Variants in BABAM2 observed in about 807,000 individuals in gnomAD.
The protein encoded by BABAM2 is BRISC and BRCA1-A complex member 2.
Under a neutral mutation model 54.7 loss-of-function variants are expected in BABAM2, and 31 were observed. The ratio of observed to expected loss-of-function variants is 0.57; its 90% confidence interval spans 0.43 to 0.77. The LOEUF is 0.77. Among genes scored for constraint, BABAM2 ranks in the 30% least tolerant of loss-of-function variants. The probability of loss-of-function intolerance (pLI) is 0.00; values close to 1 mark genes in which losing one functional copy is unlikely to be tolerated. For missense variants in BABAM2, 364 were observed against 455.8 expected (o/e 0.80, Z 1.83); for synonymous variants, 167 against 162.9 (o/e 1.03, Z -0.19).
At chr2:28,318,006 T>C (rs1218292483) in intron 11 of BABAM2, among the ~76,000 whole-genome samples, 1 of 152,242 alleles carries the variant, frequency 6.6e-6, no homozygotes, top group Non-Finnish European at 1.5e-5. Context: ...TGTGGATAGA[T>C]TTTAACTCCT....
chr2:28,100,216 G>A (rs1048346950), intron 6 of BABAM2, among the ~76,000 whole-genome samples: 2 of 151,968 alleles, frequency 1.3e-5, no homozygotes, highest in African/African-American at 4.8e-5. Context: ...TTGGGAGGCT[G>A]GGGGCGGGTG....
At chr2:28,324,353 T>C (rs1482461883) in intron 11 of BABAM2, among the ~76,000 whole-genome samples, 1 of 152,120 alleles carries the variant, frequency 6.6e-6, no homozygotes, top group Non-Finnish European at 1.5e-5. Context: ...AACCCAAGGC[T>C]CCCGACTCAG....
chr2:27,908,473 A>G (rs987140901), intron 2 of BABAM2, among the ~76,000 whole-genome samples: 4 of 152,008 alleles, frequency 2.6e-5, no homozygotes, highest in Non-Finnish European at 4.4e-5. Context: ...GGGTTGCGCC[A>G]TGTTGCCCAG....
chr2:28,298,621 C>A, intron 11 of BABAM2, 130 bp downstream of exon 11: 1 of 1,089,448 alleles, frequency 9.2e-7, no homozygotes, highest in Non-Finnish European at 1.3e-6. Flanking sequence ...TTTATAGAAA[C>A]ACAGCAACAC....
chr2:28,046,831 G>T (rs1252025047), intron 6 of BABAM2, among the ~76,000 whole-genome samples: 2 of 150,868 alleles, frequency 1.3e-5, no homozygotes, highest in African/African-American at 4.9e-5. Flanking sequence ...CACCCAAGCT[G>T]GAGTGTAGTG....
At chr2:27,976,852 A>G (rs770469925) in intron 3 of BABAM2, among the ~76,000 whole-genome samples, 4 of 152,160 alleles carry the variant, frequency 2.6e-5, no homozygotes, top group Non-Finnish European at 5.9e-5. Context: ...TAGAAGTGCA[A>G]AGAAGGATTA....
intron 11 of BABAM2, chr2:28,310,280 C>T: frequency 3.2e-6 from 3 of 941,038 alleles, no homozygotes; most frequent in Non-Finnish European, 4.8e-6. Context: ...CACTCACCAT[C>T]CTCTCAGCCT....
intron 6 of BABAM2, among the ~76,000 whole-genome samples, chr2:28,106,851 A>T (rs1667572302): frequency 6.6e-6 from 1 of 152,120 alleles, no homozygotes; most frequent in Admixed American, 6.6e-5. Flanking sequence ...CATTTAATGG[A>T]TTATAGTCAG....
chr2:28,219,022 G>A (rs1680158012), intron 7 of BABAM2, among the ~76,000 whole-genome samples: 1 of 152,178 alleles, frequency 6.6e-6, no homozygotes, highest in Non-Finnish European at 1.5e-5. Context: ...TACTGTTGCT[G>A]TAACAAATTA....
In BABAM2 at chr2:28,298,438, A is replaced by G. The variant is rs1687866219; in HGVS notation, c.1035A>G (p.Lys345=). 2 of 1,614,218 alleles carry G rather than the reference A, an allele frequency of 1.2e-6. No homozygotes were observed. The highest frequency in any genetic ancestry group is 4.5e-5 in the East Asian group (2 of 44,880). ...NSGQLYSQAQ[K]NYPYSPRWDG... ...GACAGCTTTACTCCCAGGCCCAAAA[A>G]AATTATCCGTACAGCCCCAGATGGG... Residue 345 remains lysine, a synonymous_variant, in exon 11 of 12, where the codon AAA becomes AAG. Transcript: ENST00000379624.
At chr2:28,115,147 C>A (rs186600972) in intron 6 of BABAM2, among the ~76,000 whole-genome samples, 2 of 151,044 alleles carry the variant, frequency 1.3e-5, no homozygotes, top group East Asian at 3.9e-4. Context: ...GGAACCCAAT[C>A]AGATAAATGA....
At chr2:28,323,443 T>C (rs1374206093) in intron 11 of BABAM2, among the ~76,000 whole-genome samples, 1 of 152,170 alleles carries the variant, frequency 6.6e-6, no homozygotes, top group African/African-American at 2.4e-5. Flanking sequence ...TAAGAAACTG[T>C]CTCTGGCTAA....
At chr2:28,259,522 C>T (rs1334744106) in intron 10 of BABAM2, among the ~76,000 whole-genome samples, 4 of 151,952 alleles carry the variant, frequency 2.6e-5, no homozygotes, top group African/African-American at 4.8e-5. Flanking sequence ...TTGTCAGTTC[C>T]GTGTTCTGCA....
chr2:28,133,547 G>A (rs1020233319), intron 7 of BABAM2, among the ~76,000 whole-genome samples: 1 of 152,156 alleles, frequency 6.6e-6, no homozygotes, highest in Non-Finnish European at 1.5e-5. Flanking sequence ...TCCACACTGG[G>A]TAAAAATTAC....
intron 7 of BABAM2, among the ~76,000 whole-genome samples, chr2:28,161,892 A>G (rs1444334600): frequency 6.6e-6 from 1 of 152,198 alleles, no homozygotes; most frequent in Non-Finnish European, 1.5e-5. Context: ...ATTTAGCACC[A>G]GAAATGGACT....
chr2:28,288,382 A>G (rs1266408697), intron 10 of BABAM2, among the ~76,000 whole-genome samples: 4 of 149,866 alleles, frequency 2.7e-5, no homozygotes, highest in Non-Finnish European at 5.9e-5. Context: ...CTGGAGTGCA[A>G]TGGCGTGATC....
intron 3 of BABAM2, among the ~76,000 whole-genome samples, chr2:27,984,555 G>A (rs1448402126): frequency 8.6e-5 from 13 of 152,024 alleles, no homozygotes; most frequent in Admixed American, 7.2e-4. Flanking sequence ...TCTTCTGAAG[G>A]ATACATTTTC....
intron 7 of BABAM2, among the ~76,000 whole-genome samples, chr2:28,147,604 G>A (rs1671615809): frequency 1.3e-5 from 2 of 151,852 alleles, no homozygotes; most frequent in Admixed American, 6.6e-5. Context: ...CTCCCGAGTA[G>A]CTGGGACTAC....
chr2:27,949,087 A>C (rs908062994), intron 3 of BABAM2, among the ~76,000 whole-genome samples: 1 of 152,220 alleles, frequency 6.6e-6, no homozygotes, highest in African/African-American at 2.4e-5. Flanking sequence ...AGGGGAAGCC[A>C]CTGTCACCAT....
Sources: gnomAD v4.1 joint callset for allele counts (sites outside exome capture counted in the v4.1 genomes callset) on GRCh38, gnomAD v4.1.1 for gene constraint, MANE v1.5 for transcripts, NCBI Gene and HGNC (gene_info 2026-07-23, HGNC 2026-07-21) for gene names.